Variants in PHLDB1 observed in about 807,000 individuals in gnomAD.
PHLDB1 encodes the protein pleckstrin homology-like domain family B member 1.
Under a neutral mutation model 139.3 loss-of-function variants are expected in PHLDB1, and 65 were observed. The observed-to-expected ratio is 0.47, with a 90% CI of 0.38 to 0.57. PHLDB1 has a LOEUF of 0.57. PHLDB1 is among the 20% of genes least tolerant of loss of function. The pLI is 0.00. For missense variants in PHLDB1, 1,624 were observed against 1,839.7 expected, an observed-to-expected ratio of 0.88 and a Z score of 2.14; for synonymous variants, 679 against 734.5, an observed-to-expected ratio of 0.92 and a Z score of 1.22.
chr11:118,613,619 C>A (rs1194687606), intron 1 of PHLDB1, 197 bp from the exon 2 acceptor site: 1 of 601,830 alleles, frequency 1.7e-6, no homozygotes, highest in Admixed American at 3.3e-5. Context: ...CATGCTGTGG[C>A]TGGCTGGAGA....
At chr11:118,627,221 T>C in intron 5 of PHLDB1, 84 bp from the exon 6 acceptor site, 1 of 1,354,180 alleles carries the variant, frequency 7.4e-7, no homozygotes, top group Non-Finnish European at 1.0e-6. Context: ...TTAGCCTCAC[T>C]GTGCTAGGAG....
chr11:118,646,784 G>A (rs1439553471), intron 17 of PHLDB1: 1 of 152,222 alleles, frequency 6.6e-6, no homozygotes, highest in Non-Finnish European at 1.5e-5. Context: ...ATGAGAGTGG[G>A]ACGCAGAGAG....
intron 10 of PHLDB1, chr11:118,636,788 C>G (rs931306833): frequency 3.3e-5 from 5 of 152,190 alleles, no homozygotes; most frequent in Non-Finnish European, 4.4e-5. Context: ...CTTCCTCTTT[C>G]TTTCTGGAGG....
In PHLDB1 at chr11:118,645,715, T is replaced by C; in HGVS notation, c.3417-20T>C. 6.2e-7 allele frequency: 1 copy of C among 1,612,252 alleles called. No homozygotes were observed. The highest frequency in any genetic ancestry group is 8.5e-7 in the Non-Finnish European group (1 of 1,178,326). ...CGCCTCAGCTCCTTGATGCACTTCC[T>C]CTTCCCCTTCTCTCCCCAGCGCGAG... On this transcript the variant is annotated intron_variant, in intron 16 of 22. Transcript: ENST00000600882. The surrounding 1 kb of genome is among the most constrained non-coding windows in gnomAD (Gnocchi z 5.1).
At chr11:118,618,991 G>A (rs888070854) in intron 4 of PHLDB1, among the ~76,000 whole-genome samples, 2 of 152,042 alleles carry the variant, frequency 1.3e-5, no homozygotes, top group Non-Finnish European at 2.9e-5. Flanking sequence ...AAGTGAGGGA[G>A]CCAGGAAGGT....
chr11:118,655,565 G>C (rs1258902908), intron 20 of PHLDB1, 40 bp from the exon 21 acceptor site: 1 of 1,294,778 alleles, frequency 7.7e-7, no homozygotes, highest in Admixed American at 1.7e-5. Context: ...TAGACCTGAA[G>C]TGTGACCGGC....
In PHLDB1 at chr11:118,645,791, C is replaced by T. The variant is rs1555127565; in HGVS notation, c.3473C>T (p.Ala1158Val). 1.9e-6 allele frequency: 3 copies of T among 1,613,368 alleles called. No individual in the cohort carries two copies. Among genetic ancestry groups the T allele is most frequent in the Non-Finnish European group, 2.5e-6 (3 of 1,179,348 alleles). ...GAGATGGAGAAGATGCTGAAAGAGG[C>T]TCATGCAGAGAAGAACCGGCTCATG... is the stretch of plus-strand genomic sequence containing the variant. Reference protein sequence around the residue: ...IEEMEKMLKEAHAEKNRLMES... With the variant: ...IEEMEKMLKEVHAEKNRLMES... The change falls in exon 17 of 23, where the codon GCT becomes GTT. Residue 1158 changes from alanine to valine, a missense_variant. Transcript: ENST00000600882. This position sits in a 1 kb window ranked among gnomAD's most constrained non-coding sequence, Gnocchi z 5.1.
At chr11:118,630,209 C>A in intron 6 of PHLDB1, 1 of 495,910 alleles carries the variant, frequency 2.0e-6, no homozygotes, top group South Asian at 1.7e-5. Context: ...GGAAGCCTCA[C>A]AAACCAGGCT....
Position 118,611,473 on chromosome 11 carries a change from C to T in PHLDB1, c.-21-2343C>T, listed in dbSNP as rs568453140. 9.8e-4 allele frequency among the ~76,000 whole-genome samples: 150 copies of T among 152,290 alleles called. No individual in the cohort carries two copies. Among genetic ancestry groups the T allele is most frequent in the African/African-American group, 3.4e-3 (142 of 41,562 alleles). ...ATGAGCACACCACAGCTGCCCCACA[C>T]GGCGATAGTGACCAATACTCCAATA... On this transcript the variant is annotated intron_variant, in intron 1 of 22. Coordinates refer to ENST00000600882, the MANE Select transcript of PHLDB1 (RefSeq NM_001144758.3). The surrounding 1 kb of genome is among the most constrained non-coding windows in gnomAD (Gnocchi z 4.7).
In PHLDB1 at chr11:118,616,227, T is replaced by A. The variant is rs377073543; in HGVS notation, c.355+16T>A. ...CTCACTCAGGGTAAGGCTGGACACC[T>A]CCAGATGGAGGGGGCCTCTGTTTAA... On this transcript the variant is annotated intron_variant, in intron 4 of 22. Coordinates refer to ENST00000600882, the MANE Select transcript of PHLDB1 (RefSeq NM_001144758.3). 17 of 1,610,996 alleles carry A rather than the reference T, an allele frequency of 1.1e-5. No individual in the cohort carries two copies. Among genetic ancestry groups the A allele is most frequent in the Non-Finnish European group, 1.4e-5 (16 of 1,178,356 alleles).
At chr11:118,607,948 G>A (rs1939434663) in intron 1 of PHLDB1, among the ~76,000 whole-genome samples, 1 of 152,064 alleles carries the variant, frequency 6.6e-6, no homozygotes, top group South Asian at 2.1e-4. Context: ...CACCGCCAGA[G>A]GGGGCCGTGA....
At position 118,641,727 on chromosome 11, in the gene PHLDB1, C is replaced by T; in HGVS notation, c.2737-527C>T. 3 of 1,289,898 alleles carry T rather than the reference C, an allele frequency of 2.3e-6. No homozygotes were observed. The South Asian group carries it at 3.7e-5, about 16-fold the overall frequency. 79.9% of individuals were successfully genotyped at this position (1,289,898 alleles called of 1,614,324 possible). ...CCTCCCGGGACCTGGTTCCCACCACCTGCCTTCCTCCCATGCTGCCCTCCT... is the reference window on the plus strand; with the variant it reads ...CCTCCCGGGACCTGGTTCCCACCACTTGCCTTCCTCCCATGCTGCCCTCCT... On this transcript the variant is annotated intron_variant, in intron 12 of 22. Transcript: ENST00000600882.
chr11:118,648,468 G>A (rs1187494022), intron 18 of PHLDB1, among the ~76,000 whole-genome samples: 1 of 151,920 alleles, frequency 6.6e-6, no homozygotes, highest in African/African-American at 2.4e-5. Flanking sequence ...CTCTCTCCAG[G>A]GCCTCAGATC....
At position 118,620,383 on chromosome 11, in the gene PHLDB1, A is replaced by T. The variant is rs1325839349; in HGVS notation, c.355+4172A>T. 6.6e-6 allele frequency among the ~76,000 whole-genome samples: 1 copy of T among 152,212 alleles called. No individual in the cohort carries two copies. The highest frequency in any genetic ancestry group is 1.5e-5 in the Non-Finnish European group (1 of 68,038). ...GTGGCGCATGCCTGTAGTCCCAGCT[A>T]TGGGAGGCTGAGGCAGGAGAATCGC... On this transcript the variant is annotated intron_variant, in intron 4 of 22. Transcript: ENST00000600882. The surrounding 1 kb of genome is among the most constrained non-coding windows in gnomAD (Gnocchi z 4.1).
chr11:118,614,543 C>T lies in PHLDB1; in HGVS notation c.61-16C>T, dbSNP rs371061796. The T allele has an allele frequency of 8.9e-4, 1,438 of 1,613,340 alleles. 1 individual carries two copies. Among genetic ancestry groups the T allele is most frequent in the Non-Finnish European group, 1.1e-3 (1,258 of 1,179,572 alleles). On this transcript the variant is annotated splice_polypyrimidine_tract_variant and intron_variant, in intron 2 of 22. Transcript: ENST00000600882. Reference sequence around the variant, plus strand: ...TGAATCTAATGATGCTTGTCCTCCACCCGTACTACCTACAGAAAGGACCCT... The same window carrying T: ...TGAATCTAATGATGCTTGTCCTCCATCCGTACTACCTACAGAAAGGACCCT...
At chr11:118,648,855 C>T (rs1437700894) in intron 18 of PHLDB1, among the ~76,000 whole-genome samples, 1 of 152,194 alleles carries the variant, frequency 6.6e-6, no homozygotes, top group Non-Finnish European at 1.5e-5. Flanking sequence ...CCTGTCCCTT[C>T]TGATTAGTAG....
rs1401657363 is a variant in PHLDB1, at chr11:118,608,383, C to G, written c.-22+684C>G. 6.6e-6 allele frequency among the ~76,000 whole-genome samples: 1 copy of G among 152,184 alleles called. No individual in the cohort carries two copies. The highest frequency in any genetic ancestry group is 2.4e-5 in the African/African-American group (1 of 41,444). On this transcript the variant is annotated intron_variant, in intron 1 of 22. Coordinates refer to ENST00000600882, the MANE Select transcript of PHLDB1 (RefSeq NM_001144758.3). The surrounding 1 kb of genome is among the most constrained non-coding windows in gnomAD (Gnocchi z 6.7). ...TATTGGAATCCCTAGCGGAGTTCCC[C>G]GAGCGGAGGCTGACCCAAGTCATCC...
Position 118,628,064 on chromosome 11 carries a change from G to A in PHLDB1, c.1241G>A (p.Arg414Gln), listed in dbSNP as rs145947849. ...TTCCGTGAGCCTCCAGGCAGTGAGCGGGTGCTAACAACCAGCCCCTCACGC... is the reference window on the plus strand; with the variant it reads ...TTCCGTGAGCCTCCAGGCAGTGAGCAGGTGCTAACAACCAGCCCCTCACGC... ...SPFREPPGSERVLTTSPSRQL... is the reference protein window; with the variant it reads ...SPFREPPGSEQVLTTSPSRQL... Residue 414 changes from arginine (R) to glutamine (Q), a missense_variant, in exon 6 of 23, where the codon CGG (arginine) becomes CAG (glutamine). Transcript: ENST00000600882. 1.3e-4 allele frequency: 203 copies of A among 1,613,908 alleles called. No homozygotes were observed. The highest frequency in any genetic ancestry group is 1.0e-3 in the East Asian group (46 of 44,850).
chr11:118,614,346 G>A (rs1051060906), intron 2 of PHLDB1, among the ~76,000 whole-genome samples: 1 of 147,592 alleles, frequency 6.8e-6, no homozygotes, highest in Non-Finnish European at 1.5e-5. Flanking sequence ...CAAGACTTGC[G>A]ATAAATCCAG....
Sources: allele counts gnomAD v4.1 joint callset (sites outside exome capture counted in the v4.1 genomes callset), GRCh38; gene constraint gnomAD v4.1.1; non-coding constraint Gnocchi (gnomAD v3.1); transcripts MANE v1.5; gene names NCBI Gene and HGNC (gene_info 2026-07-23, HGNC 2026-07-21).